Variants in DET1 observed in about 807,000 individuals in gnomAD.
DET1 encodes DET1 partner of COP1 E3 ubiquitin ligase, also known as DET1 homolog.
Under a neutral mutation model 43.7 loss-of-function variants are expected in DET1, and 22 were observed. The observed-to-expected ratio is 0.50, with a 90% CI of 0.36 to 0.72. The LOEUF (loss-of-function observed/expected upper bound fraction) is 0.72. DET1 is among the 30% of genes least tolerant of loss of function. The pLI, the probability that DET1 is intolerant of heterozygous loss-of-function variation, is 0.00. For missense variants in DET1, 713 were observed against 713.3 expected (o/e 1.00, Z 0.00); for synonymous variants, 315 against 266.2 (o/e 1.18, Z -1.79).
chr15:88,531,616 G>A lies in DET1; in HGVS notation c.90C>T (p.Gly30=). ...HRLERRRISS[G]KAGTHWHQVR... ...CTTGGTGCCAGTGGGTACCTGCCTT[G>A]CCTGAACTGATCCGCCGGCGTTCCA... Residue 30 remains glycine (G), a synonymous_variant, in exon 2 of 5, where the codon GGC becomes GGT. Transcript: ENST00000268148. The surrounding 1 kb of genome is among the most constrained non-coding windows in gnomAD (Gnocchi z 6.2). 6.2e-7 allele frequency: 1 copy of A among 1,614,020 alleles called. No homozygotes were observed. The highest frequency in any genetic ancestry group is 8.5e-7 in the Non-Finnish European group (1 of 1,179,884).
At chr15:88,543,518 C>A (rs1298648213) in intron 1 of DET1, among the ~76,000 whole-genome samples, 1 of 152,196 alleles carries the variant, frequency 6.6e-6, no homozygotes, top group East Asian at 1.9e-4. Context: ...ACTGGCCGAC[C>A]TGATCTTCAA....
chr15:88,534,727 CAA>C (rs1430876992), intron 1 of DET1, among the ~76,000 whole-genome samples: 5 of 152,172 alleles, frequency 3.3e-5, no homozygotes, highest in African/African-American at 9.7e-5. Context: ...AATAGCACTG[CAA>C]AGACTTTCTG....
chr15:88,519,461 T>C (rs2056432958), intron 3 of DET1, among the ~76,000 whole-genome samples: 1 of 152,056 alleles, frequency 6.6e-6, no homozygotes, highest in African/African-American at 2.4e-5. Flanking sequence ...CCCTCTCTAG[T>C]CACAGGGTAG....
At chr15:88,513,226 T>C in intron 4 of DET1, 86 bp from the exon 5 acceptor site, 1 of 1,354,900 alleles carries the variant, frequency 7.4e-7, no homozygotes, top group East Asian at 2.5e-5. Flanking sequence ...CAGGGGAATG[T>C]GGCAACTCAT....
rs767725783 is a variant in DET1, at chr15:88,531,163, G to T, written c.543C>A (p.Thr181=). Residue 181 remains threonine, a synonymous_variant, in exon 2 of 5, where the codon ACC becomes ACA. Transcript: ENST00000268148. This position sits in a 1 kb window ranked among gnomAD's most constrained non-coding sequence, Gnocchi z 6.2. ...CTTCTAGAGGGGACCGTGGGTTGGGGGTCACTGATTCACTGTTCCGATATA... is the reference window on the plus strand; with the variant it reads ...CTTCTAGAGGGGACCGTGGGTTGGGTGTCACTGATTCACTGTTCCGATATA... The part of the protein sequence containing the change: ...FEVYRNSESV[T]PNPRSPLEDY... The T allele has an allele frequency of 6.2e-7, 1 of 1,613,802 alleles. No homozygotes were observed. The highest frequency in any genetic ancestry group is 1.7e-5 in the Admixed American group (1 of 60,000).
intron 3 of DET1, among the ~76,000 whole-genome samples, chr15:88,524,672 CAT>C (rs2056612497): frequency 6.6e-6 from 1 of 152,190 alleles, no homozygotes; most frequent in African/African-American, 2.4e-5. Flanking sequence ...CTCTCTGAAT[CAT>C]GTGCTGTGTC....
chr15:88,533,852 T>TAAAAAAAAAAAAAAAAAA (rs368408722), intron 1 of DET1, among the ~76,000 whole-genome samples: 10 of 39,216 alleles, frequency 2.5e-4, no homozygotes, highest in African/African-American at 7.2e-4. Context: ...ACCCAATCTC[T>TAAAAAAAAAAAAAAAAAA]AAAAAAAAAA....
chr15:88,524,351 C>T (rs1210215280), intron 3 of DET1, among the ~76,000 whole-genome samples: 1 of 151,798 alleles, frequency 6.6e-6, no homozygotes, highest in African/African-American at 2.4e-5. Context: ...GGGGGGCAGC[C>T]CCTGCCTGGC....
At chr15:88,518,327 T>C (rs772845855) in intron 3 of DET1, among the ~76,000 whole-genome samples, 1 of 151,768 alleles carries the variant, frequency 6.6e-6, no homozygotes, top group Non-Finnish European at 1.5e-5. Flanking sequence ...TGCAGAAAAA[T>C]CTCTGTGTAC....
At chr15:88,506,184 C>A (rs149960180) in intron 7 of DET1, among the ~76,000 whole-genome samples, 10 of 152,284 alleles carry the variant, frequency 6.6e-5, no homozygotes, top group Middle Eastern at 3.4e-3. Flanking sequence ...ACTTAGTGCT[C>A]ACATCGACCC....
chr15:88,524,205 G>A (rs1414504751), intron 3 of DET1, among the ~76,000 whole-genome samples: 11 of 150,788 alleles, frequency 7.3e-5, no homozygotes, highest in Non-Finnish European at 1.3e-4. Context: ...CTGCCCCACC[G>A]CCAGCCCGTC....
intron 1 of DET1, among the ~76,000 whole-genome samples, chr15:88,545,125 C>A (rs1011198334): frequency 2.0e-5 from 3 of 152,088 alleles, no homozygotes. Flanking sequence ...GGGGATCAAC[C>A]AGATCTTCAT....
intron 1 of DET1, among the ~76,000 whole-genome samples, chr15:88,540,508 T>G (rs1598350231): frequency 6.6e-6 from 1 of 151,420 alleles, no homozygotes; most frequent in African/African-American, 2.4e-5. Flanking sequence ...GCCTTGCAAG[T>G]GTTGGAGCCC....
rs2056117275 is a variant in DET1 at position 88,504,355 on chromosome 15, A to AT, written c.*2066-369_*2066-368insA. ...CTGTGTTTTATTGGTCATGCCAATC[A>AT]ACCATGATACGATGTGGGAGGGCAT... On this transcript the variant is annotated intron_variant and NMD_transcript_variant, in intron 7 of 8. Coordinates refer to the DET1 transcript ENST00000557842. This position sits in a 1 kb window ranked among gnomAD's most constrained non-coding sequence, Gnocchi z 4.7. 2.6e-5 allele frequency: 4 copies of AT among 152,216 alleles called. No homozygotes were observed. Among genetic ancestry groups the AT allele is most frequent in the Non-Finnish European group, 5.9e-5 (4 of 68,030 alleles). 9.4% of individuals were successfully genotyped at this position (152,216 alleles called of 1,614,324 possible).
chr15:88,528,645 C>T (rs1229742112), intron 2 of DET1, among the ~76,000 whole-genome samples: 1 of 152,198 alleles, frequency 6.6e-6, no homozygotes, highest in African/African-American at 2.4e-5. Flanking sequence ...AAGGAAGCTC[C>T]AAGAACCCCT....
At chr15:88,510,272 G>T (rs1363417168), downstream of DET1, among the ~76,000 whole-genome samples, 1 of 152,178 alleles carries the variant, frequency 6.6e-6, no homozygotes, top group Non-Finnish European at 1.5e-5. Context: ...TATGACTAAG[G>T]TGGAGGAAAG....
In DET1 at chr15:88,512,954, C is replaced by G. The variant is rs200501194; in HGVS notation, c.1650G>C (p.Thr550=). The G allele has an allele frequency of 6.2e-7, 1 of 1,613,206 alleles. No individual in the cohort carries two copies. The highest frequency in any genetic ancestry group is 8.5e-7 in the Non-Finnish European group (1 of 1,179,288). The change falls in exon 5 of 5, where the codon ACG becomes ACC. Residue 550 remains threonine (T), a synonymous_variant. Transcript: ENST00000268148. ...TAATCTGGCTCTGGTGAGGCACCTA[C>G]GTGCAGCAGTGTCGCATATGGAAGT... ...VVNFHMRHCC[T]
At chr15:88,537,897 C>G (rs1273074540) in intron 1 of DET1, among the ~76,000 whole-genome samples, 4 of 152,138 alleles carry the variant, frequency 2.6e-5, no homozygotes, top group Non-Finnish European at 5.9e-5. Flanking sequence ...ACAGGACTCC[C>G]GTTATTATTA....
intron 3 of DET1, 33 bp from the exon 4 acceptor site, chr15:88,517,006 T>C (rs765259751): frequency 1.9e-5 from 28 of 1,477,700 alleles, no homozygotes; most frequent in Non-Finnish European, 2.5e-5. Context: ...AAGGCTTTGT[T>C]AGTGAGTACA....
Sources: allele counts gnomAD v4.1 joint callset (sites outside exome capture counted in the v4.1 genomes callset), GRCh38; gene constraint gnomAD v4.1.1; non-coding constraint Gnocchi (gnomAD v3.1); transcripts MANE v1.5; gene names NCBI Gene and HGNC (gene_info 2026-07-23, HGNC 2026-07-21).